SLC17A2: variants seen among roughly 807,000 people sequenced by gnomAD.
The protein encoded by SLC17A2 is sodium-dependent phosphate transport protein 3.
Under a neutral mutation model 52.1 loss-of-function variants are expected in SLC17A2, and 38 were observed. The observed-to-expected ratio is 0.73, with a 90% CI of 0.56 to 0.96. The LOEUF (loss-of-function observed/expected upper bound fraction) is 0.96. Among genes scored for constraint, SLC17A2 ranks in the 40% least tolerant of loss-of-function variants. SLC17A2 has a pLI of 0.00. For missense variants in SLC17A2, 508 were observed against 583.9 expected (o/e 0.87, Z 1.34); for synonymous variants, 226 against 211.9 (o/e 1.07, Z -0.58).
At chr6:25,926,323 C>G (rs956386339) in intron 1 of SLC17A2, among the ~76,000 whole-genome samples, 1 of 152,160 alleles carries the variant, frequency 6.6e-6, no homozygotes, top group South Asian at 2.1e-4. Context: ...TGGTGTTTCT[C>G]TCCCCTCTGT....
At chr6:25,924,805 T>A (rs545330659) in intron 2 of SLC17A2, among the ~76,000 whole-genome samples, 83 of 101,672 alleles carry the variant, frequency 8.2e-4, no homozygotes, top group African/African-American at 3.0e-3. Context: ...TGAGACTCAA[T>A]CTCAAAAAAA....
At position 25,925,878 on chromosome 6, in the gene SLC17A2, A is replaced by C; in HGVS notation, c.-82T>G. 2 of 1,347,986 alleles carry C rather than the reference A, an allele frequency of 1.5e-6. No homozygotes were observed. Among genetic ancestry groups the C allele is most frequent in the African/African-American group, 1.4e-5 (1 of 69,732 alleles). 83.5% of individuals were successfully genotyped at this position (1,347,986 alleles called of 1,614,324 possible). On this transcript the variant is annotated splice_region_variant and 5_prime_UTR_variant, in exon 2 of 12. An upstream open reading frame in the 5' UTR loses its in-frame stop. Transcript: ENST00000377850. ...ATCTCTTTTACTACGACAGTCTTTT[A>C]TCTATGGAGAGAACATAATCCAAAA...
chr6:25,914,759 ATGGCAAAGTCATT>A (rs1291337757), intron 10 of SLC17A2, 89 bp from the exon 11 acceptor site: 7 of 764,156 alleles, frequency 9.2e-6, no homozygotes, highest in Middle Eastern at 6.0e-4. Context: ...TTCAGCTCTA[ATGGCAAAGTCATT>A]TTGCTTAATG....
intron 8 of SLC17A2, among the ~76,000 whole-genome samples, chr6:25,916,347 C>T (rs893637876): frequency 3.4e-4 from 51 of 152,150 alleles, no homozygotes; most frequent in African/African-American, 1.2e-3. Context: ...TCCCAAAGTG[C>T]TGGAATTACA....
intron 3 of SLC17A2, among the ~76,000 whole-genome samples, chr6:25,923,296 G>GCA (rs1766627232): frequency 6.6e-6 from 1 of 152,126 alleles, no homozygotes; most frequent in Non-Finnish European, 1.5e-5. Flanking sequence ...GCAAAGCTAT[G>GCA]GACAAGAATC....
chr6:25,913,509 T>C, intron 11 of SLC17A2, 58 bp from the exon 12 acceptor site: 4 of 1,532,542 alleles, frequency 2.6e-6, no homozygotes, highest in Non-Finnish European at 3.6e-6. Context: ...ACACCAGTTC[T>C]AGTAGCCCTC....
chr6:25,914,516 GT>G, intron 11 of SLC17A2, 63 bp downstream of exon 11: 1 of 996,264 alleles, frequency 1.0e-6, no homozygotes, highest in Non-Finnish European at 1.6e-6. Context: ...TTAGAGCACC[GT>G]GTGTATCTCC....
intron 1 of SLC17A2, among the ~76,000 whole-genome samples, chr6:25,928,521 C>T (rs539407715): frequency 6.6e-6 from 1 of 152,166 alleles, no homozygotes; most frequent in South Asian, 2.1e-4. Context: ...GATGAAAAGC[C>T]CTACTTAAGT....
Position 25,921,419 on chromosome 6 carries a change from G to GA in SLC17A2, c.241-8dup. 1 of 1,583,366 alleles carries GA rather than the reference G, an allele frequency of 6.3e-7. No homozygotes were observed. The highest frequency in any genetic ancestry group is 1.3e-5 in the African/African-American group (1 of 74,082). On this transcript the variant is annotated splice_region_variant and splice_polypyrimidine_tract_variant and intron_variant, in intron 3 of 11. Transcript: ENST00000377850. ...TCCATTGATACACAGAGGCCTGGGG[G>GA]AAAAATAGGAAAACTCTTTGTCAAG...
At chr6:25,923,566 A>C in intron 3 of SLC17A2, 129 bp downstream of exon 3, 1 of 722,728 alleles carries the variant, frequency 1.4e-6, no homozygotes, top group Non-Finnish European at 2.4e-6. Context: ...GTCTCAAAGA[A>C]AAATAGTTCC....
Position 25,930,259 on chromosome 6 carries a change from A to G in SLC17A2, c.-84+18T>C, listed in dbSNP as rs1190388768. On this transcript the variant is annotated intron_variant, in intron 1 of 11. Coordinates refer to ENST00000377850, the MANE Select transcript of SLC17A2 (RefSeq NM_001286123.3). ...CAATCCCAGTCTGACTAATCACAGC[A>G]TCACAGTTAATACTCACAGCGTCCT... 8 of 152,380 alleles carry G rather than the reference A, an allele frequency of 5.3e-5. No individual in the cohort carries two copies. The highest frequency in any genetic ancestry group is 5.2e-4 in the Admixed American group (8 of 15,286). 9.4% of individuals were successfully genotyped at this position (152,380 alleles called of 1,614,324 possible). A position where few individuals can be genotyped will look rare whatever the true frequency, so the allele number is the denominator to read the frequency against.
chr6:25,914,558 A>G, intron 11 of SLC17A2, 22 bp downstream of exon 11: 1 of 1,473,196 alleles, frequency 6.8e-7, no homozygotes, highest in Middle Eastern at 1.7e-4. Context: ...CCACTTGAAG[A>G]TGTTCAATAA....
intron 5 of SLC17A2, among the ~76,000 whole-genome samples, chr6:25,920,706 G>A (rs1286973156): frequency 6.6e-6 from 1 of 152,126 alleles, no homozygotes; most frequent in African/African-American, 2.4e-5. Context: ...CTTTTTCCAT[G>A]TGTGCAATTC....
chr6:25,915,436 C>T (rs980821028), intron 10 of SLC17A2, 63 bp downstream of exon 10: 1 of 1,403,854 alleles, frequency 7.1e-7, no homozygotes, highest in Non-Finnish European at 9.5e-7. Context: ...TTCACGGCGA[C>T]CACTGAGGTC....
rs1231724950 is a variant in SLC17A2, at chr6:25,923,840, A to G, written c.95T>C (p.Ile32Thr). 4 of 1,614,212 alleles carry G rather than the reference A, an allele frequency of 2.5e-6. No individual in the cohort carries two copies. Among genetic ancestry groups the G allele is most frequent in the Non-Finnish European group, 3.4e-6 (4 of 1,180,032 alleles). Reference protein sequence around the residue: ...LIMHFSNFTMITQRVSLSIAI... With the variant: ...LIMHFSNFTMTTQRVSLSIAI... ...AATGCTCAGACTCACACGCTGCGTT[A>G]TCATGGTGAAGTTTGAGAAGTGCAT... Residue 32 changes from isoleucine to threonine, a missense_variant, in exon 3 of 12, where the codon ATA becomes ACA. Physicochemically the swap from Ile to Thr is moderately conservative, Grantham distance 89 (BLOSUM62 -1). Coordinates refer to ENST00000377850, the MANE Select transcript of SLC17A2 (RefSeq NM_001286123.3).
chr6:25,925,823 G>T lies in SLC17A2; in HGVS notation c.-27C>A. The T allele has an allele frequency of 1.2e-6, 2 of 1,612,858 alleles. No homozygotes were observed. Among genetic ancestry groups the T allele is most frequent in the Non-Finnish European group, 1.7e-6 (2 of 1,178,776 alleles). ...TAGCTTCTGTGGGAAATGGTACCAC[G>T]CTTTGTGGTGGAGTTTCCCTGTGCC... On this transcript the variant is annotated 5_prime_UTR_variant, in exon 2 of 12. Transcript: ENST00000377850.
At chr6:25,918,656 G>A in intron 5 of SLC17A2, 83 bp from the exon 6 acceptor site, 1 of 832,320 alleles carries the variant, frequency 1.2e-6, no homozygotes, top group East Asian at 2.5e-5. Flanking sequence ...TCCCAACAGT[G>A]AGGTGGCAGA....
At chr6:25,923,565 A>G (rs1271462804) in intron 3 of SLC17A2, 130 bp downstream of exon 3, 2 of 718,538 alleles carry the variant, frequency 2.8e-6, no homozygotes, top group Non-Finnish European at 4.8e-6. Context: ...TGTCTCAAAG[A>G]AAAATAGTTC....
chr6:25,915,982 GA>G, intron 8 of SLC17A2, 114 bp from the exon 9 acceptor site: 4 of 921,036 alleles, frequency 4.3e-6, no homozygotes, highest in Non-Finnish European at 6.4e-6. Flanking sequence ...TTGTTTGGGG[GA>G]AAATTAGCAT....
Sources: gnomAD v4.1 joint callset for allele counts (sites outside exome capture counted in the v4.1 genomes callset) on GRCh38, gnomAD v4.1.1 for gene constraint, MANE v1.5 for transcripts, NCBI Gene and HGNC (gene_info 2026-07-23, HGNC 2026-07-21) for gene names.